The following CPQ variants were observed in gnomAD, a reference collection of about 807,000 sequenced individuals.
CPQ encodes Ser-Met dipeptidase.
In CPQ, 37 loss-of-function variants were observed where a neutral mutation model predicts 45.7. That is an observed-to-expected ratio of 0.81 (90% confidence interval 0.62 to 1.07). The LOEUF is 1.07. Ranked by LOEUF, CPQ falls within the 50% of genes least tolerant of loss-of-function variation. The pLI, the probability that CPQ is intolerant of heterozygous loss-of-function variation, is 0.00. For missense variants in CPQ, 537 were observed against 572.9 expected (o/e 0.94, Z 0.64); for synonymous variants, 186 against 205.8 (o/e 0.90, Z 0.82).
At chr8:96,875,893 T>C (rs1437523343) in intron 3 of CPQ, among the ~76,000 whole-genome samples, 1 of 152,022 alleles carries the variant, frequency 6.6e-6, no homozygotes, top group Non-Finnish European at 1.5e-5. Context: ...TTGAGGGGCA[T>C]TGCCATGTTA....
At chr8:97,099,206 C>T (rs1031568233) in intron 7 of CPQ, among the ~76,000 whole-genome samples, 13 of 142,374 alleles carry the variant, frequency 9.1e-5, no homozygotes, top group African/African-American at 2.9e-4. Flanking sequence ...TCTCAGCTCA[C>T]TGCAACATCC....
intron 7 of CPQ, among the ~76,000 whole-genome samples, chr8:97,074,372 C>T (rs1454685740): frequency 6.6e-6 from 1 of 152,084 alleles, no homozygotes; most frequent in Non-Finnish European, 1.5e-5. Context: ...TGGTATAGTA[C>T]CAAGATAAAT....
intron 5 of CPQ, among the ~76,000 whole-genome samples, chr8:97,028,799 T>C (rs1809845325): frequency 6.6e-6 from 1 of 152,204 alleles, no homozygotes; most frequent in Non-Finnish European, 1.5e-5. Context: ...TCAATAAATG[T>C]CATCCTCATT....
chr8:97,090,300 A>G (rs1811107175), intron 7 of CPQ, among the ~76,000 whole-genome samples: 1 of 152,206 alleles, frequency 6.6e-6, no homozygotes, highest in African/African-American at 2.4e-5. Context: ...CAATGCTCTG[A>G]CAAATGTCGA....
chr8:96,973,072 A>T (rs1167042972), intron 5 of CPQ, among the ~76,000 whole-genome samples: 2 of 152,190 alleles, frequency 1.3e-5, no homozygotes, highest in Non-Finnish European at 2.9e-5. Flanking sequence ...CAGAAAGTTG[A>T]TTATTAAGTT....
chr8:96,880,521 A>G (rs1326053518), intron 4 of CPQ, among the ~76,000 whole-genome samples: 7 of 714 alleles, frequency 9.8e-3, no homozygotes, highest in African/African-American at 0.027. Context: ...ATATGGTCAT[A>G]TATATATATA....
chr8:96,725,963 T>C (rs1036743134), intron 1 of CPQ, among the ~76,000 whole-genome samples: 2 of 152,184 alleles, frequency 1.3e-5, no homozygotes, highest in African/African-American at 4.8e-5. Context: ...CTGGAGGCCA[T>C]TATCCTAAGT....
chr8:96,725,220 A>C (rs1343383836), intron 1 of CPQ, among the ~76,000 whole-genome samples: 1 of 152,222 alleles, frequency 6.6e-6, no homozygotes, highest in African/African-American at 2.4e-5. Context: ...ACAAAAACAA[A>C]AATTGACAAG....
chr8:96,845,229 A>G (rs1296607027), intron 3 of CPQ, among the ~76,000 whole-genome samples: 1 of 152,156 alleles, frequency 6.6e-6, no homozygotes. Context: ...TCCTAATTAT[A>G]TTTGGTAATT....
intron 1 of CPQ, among the ~76,000 whole-genome samples, chr8:96,774,540 A>G (rs1810583818): frequency 2.0e-5 from 3 of 152,110 alleles, no homozygotes; most frequent in African/African-American, 7.2e-5. Context: ...GGTAAGAGTG[A>G]AGAGGAGGGA....
At chr8:96,821,126 A>ATTTTTTTTTTTTTTTTTTTTTTTT (rs572906188) in intron 2 of CPQ, among the ~76,000 whole-genome samples, 1 of 60,938 alleles carries the variant, frequency 1.6e-5, no homozygotes, top group Non-Finnish European at 3.0e-5. Context: ...TTTAATCTGA[A>ATTTTTTTTTTTTTTTTTTTTTTTT]TTTTTTTTTT....
At chr8:96,711,483 A>T (rs1809607418) in intron 1 of CPQ, among the ~76,000 whole-genome samples, 1 of 152,180 alleles carries the variant, frequency 6.6e-6, no homozygotes. Context: ...TTATAAAGGA[A>T]AGAGGTTTAA....
chr8:96,925,770 AC>A (rs1030991292), intron 4 of CPQ, among the ~76,000 whole-genome samples: 6 of 151,096 alleles, frequency 4.0e-5, no homozygotes, highest in African/African-American at 1.5e-4. Flanking sequence ...GCTCACTGCA[AC>A]CTCTGCTTCT....
At chr8:96,861,083 C>T (rs1276518124) in intron 3 of CPQ, among the ~76,000 whole-genome samples, 2 of 152,090 alleles carry the variant, frequency 1.3e-5, no homozygotes, top group Non-Finnish European at 2.9e-5. Context: ...TTAAATCTCT[C>T]TTATGCATTT....
At chr8:96,803,604 C>T (rs1177828909) in intron 2 of CPQ, among the ~76,000 whole-genome samples, 2 of 152,070 alleles carry the variant, frequency 1.3e-5, no homozygotes, top group South Asian at 2.1e-4. Flanking sequence ...ATACACTGAA[C>T]CTTTTGAGGT....
At chr8:96,908,747 G>GCGCACACACA (rs149476038) in intron 4 of CPQ, among the ~76,000 whole-genome samples, 28 of 140,918 alleles carry the variant, frequency 2.0e-4, no homozygotes, top group Non-Finnish European at 2.7e-4. Context: ...ATACACATGC[G>GCGCACACACA]CACACACACA....
At chr8:96,653,955 T>A (rs1229953714) in intron 1 of CPQ, among the ~76,000 whole-genome samples, 1 of 152,240 alleles carries the variant, frequency 6.6e-6, no homozygotes, top group East Asian at 1.9e-4. Context: ...GTAAAGTTTA[T>A]CTTAAAATGT....
intron 1 of CPQ, among the ~76,000 whole-genome samples, chr8:96,671,207 C>T (rs1808997573): frequency 6.6e-6 from 1 of 152,210 alleles, no homozygotes; most frequent in Non-Finnish European, 1.5e-5. Flanking sequence ...CAGTGATACA[C>T]TGGTCTACAA....
At position 96,726,819 on chromosome 8, in the gene CPQ, T is replaced by C. The variant is rs113890226; in HGVS notation, c.-34-58045T>C. ...AAAGGGAGACCTGAGCAAACACTTT[T>C]GACCTCCTTACCAAGTGATGCCCTT... On this transcript the variant is annotated intron_variant, in intron 1 of 7. Transcript: ENST00000220763. Among the ~76,000 whole-genome samples the C allele has an allele frequency of 5.9e-3, 903 of 152,278 alleles. 16 individuals are homozygous for C. Among genetic ancestry groups the C allele is most frequent in the African/African-American group, 0.016 (652 of 41,568 alleles).
Sources: allele counts gnomAD v4.1 joint callset (sites outside exome capture counted in the v4.1 genomes callset), GRCh38; gene constraint gnomAD v4.1.1; transcripts MANE v1.5; gene names NCBI Gene and HGNC (gene_info 2026-07-23, HGNC 2026-07-21).